MECOM: variants seen among roughly 807,000 people sequenced by gnomAD.
MECOM encodes histone-lysine N-methyltransferase MECOM.
MECOM carries 13 observed loss-of-function variants against 116.3 expected under a neutral mutation model. The observed-to-expected ratio is 0.11, with a 90% CI of 0.07 to 0.18. The LOEUF (loss-of-function observed/expected upper bound fraction) is 0.18. MECOM is among the 10% of genes least tolerant of loss of function. MECOM has a pLI of 1.00. For missense variants in MECOM, 1,299 were observed against 1,509.0 expected (o/e 0.86, Z 2.31); for synonymous variants, 528 against 535.2 (o/e 0.99, Z 0.19).
intron 1 of MECOM, among the ~76,000 whole-genome samples, chr3:169,566,292 A>C (rs1199768351): frequency 1.3e-5 from 2 of 152,084 alleles, no homozygotes; most frequent in Non-Finnish European, 2.9e-5. Flanking sequence ...ATACATGAAG[A>C]CTGTGGAAAG....
chr3:169,333,549 A>G (rs1198204998), intron 2 of MECOM, among the ~76,000 whole-genome samples: 1 of 152,090 alleles, frequency 6.6e-6, no homozygotes, highest in African/African-American at 2.4e-5. Context: ...TACCCTAAGC[A>G]ATGAAAAGCA....
intron 1 of MECOM, among the ~76,000 whole-genome samples, chr3:169,539,657 A>G (rs1459523212): frequency 1.3e-5 from 2 of 152,198 alleles, no homozygotes; most frequent in Admixed American, 6.5e-5. Flanking sequence ...TTTGGATACT[A>G]TAACAGCTCC....
At chr3:169,659,846 C>T (rs994123745) in intron 1 of MECOM, among the ~76,000 whole-genome samples, 2 of 151,954 alleles carry the variant, frequency 1.3e-5, no homozygotes, top group African/African-American at 4.8e-5. Context: ...GAGAAAGGGT[C>T]GGCATCTACC....
At chr3:169,141,575 C>T (rs1284237554) in intron 3 of MECOM, among the ~76,000 whole-genome samples, 1 of 151,976 alleles carries the variant, frequency 6.6e-6, no homozygotes, top group Non-Finnish European at 1.5e-5. Context: ...CCAACATTCA[C>T]ATTTCAAAGC....
chr3:169,606,418 A>AG (rs1477534262), intron 1 of MECOM, among the ~76,000 whole-genome samples: 39 of 152,066 alleles, frequency 2.6e-4, no homozygotes, highest in African/African-American at 9.2e-4. Flanking sequence ...CAAAAAAAAA[A>AG]AAAAAGAAAA....
intron 1 of MECOM, among the ~76,000 whole-genome samples, chr3:169,530,911 T>A (rs1385317184): frequency 6.9e-6 from 1 of 145,372 alleles, no homozygotes; most frequent in African/African-American, 2.7e-5. Flanking sequence ...AAAAAAAAAA[T>A]GATTTCAAAT....
intron 1 of MECOM, among the ~76,000 whole-genome samples, chr3:169,582,250 A>C (rs1402248234): frequency 6.6e-6 from 1 of 152,134 alleles, no homozygotes; most frequent in Non-Finnish European, 1.5e-5. Flanking sequence ...GAGTAGATGA[A>C]GAAGAAATAT....
At chr3:169,471,236 C>T (rs1479101227) in intron 1 of MECOM, among the ~76,000 whole-genome samples, 1 of 152,172 alleles carries the variant, frequency 6.6e-6, no homozygotes, top group Non-Finnish European at 1.5e-5. Flanking sequence ...AAGCAATACA[C>T]TGGCCTCGGC....
intron 2 of MECOM, among the ~76,000 whole-genome samples, chr3:169,187,303 A>G (rs1160502532): frequency 6.6e-6 from 1 of 152,202 alleles, no homozygotes; most frequent in African/African-American, 2.4e-5. Context: ...ATTGAAACAA[A>G]TGACTGCTAC....
intron 2 of MECOM, 22 bp from the exon 3 acceptor site, chr3:169,143,854 C>G: frequency 6.3e-7 from 1 of 1,579,020 alleles, no homozygotes; most frequent in African/African-American, 1.4e-5. Flanking sequence ...AAGATGAGAA[C>G]AATCAATTGC....
At chr3:169,095,803 A>G (rs1721261651) in intron 12 of MECOM, among the ~76,000 whole-genome samples, 1 of 152,224 alleles carries the variant, frequency 6.6e-6, no homozygotes, top group South Asian at 2.1e-4. Flanking sequence ...CCCAAGAATC[A>G]GCTACCACAA....
intron 1 of MECOM, among the ~76,000 whole-genome samples, chr3:169,452,532 A>G (rs1745784272): frequency 6.6e-6 from 1 of 152,116 alleles, no homozygotes; most frequent in African/African-American, 2.4e-5. Flanking sequence ...AGGAATACAA[A>G]CTCAGCATCT....
chr3:169,506,466 C>CTTTTTTTTTTT (rs59006044), intron 1 of MECOM, among the ~76,000 whole-genome samples: 2 of 147,710 alleles, frequency 1.4e-5, no homozygotes, highest in Non-Finnish European at 3.0e-5. Flanking sequence ...GGTGAGTACT[C>CTTTTTTTTTTT]TTTTTTTTTT....
chr3:169,097,350 T>C (rs568829719), intron 12 of MECOM, among the ~76,000 whole-genome samples: 29 of 152,236 alleles, frequency 1.9e-4, no homozygotes, highest in East Asian at 1.7e-3. Context: ...AGAAAAAGAA[T>C]GTTCTAAATA....
chr3:169,280,761 A>T (rs1024438805), intron 2 of MECOM, among the ~76,000 whole-genome samples: 8 of 152,184 alleles, frequency 5.3e-5, no homozygotes, highest in African/African-American at 1.9e-4. Flanking sequence ...GCATAATGAC[A>T]TTGTATTTTA....
chr3:169,627,701 T>C (rs1771551053), intron 1 of MECOM, among the ~76,000 whole-genome samples: 1 of 152,242 alleles, frequency 6.6e-6, no homozygotes, highest in African/African-American at 2.4e-5. Flanking sequence ...GATACTTCTT[T>C]TTTGGTCCAC....
chr3:169,663,168 G>A (rs1333274241), intron 1 of MECOM, among the ~76,000 whole-genome samples, 168 bp downstream of exon 1: 1 of 151,152 alleles, frequency 6.6e-6, no homozygotes, highest in Non-Finnish European at 1.5e-5. Flanking sequence ...GCGGGCGACC[G>A]GGAGCAGAGA....
intron 1 of MECOM, among the ~76,000 whole-genome samples, chr3:169,566,817 G>A (rs377724279): frequency 8.5e-5 from 13 of 152,294 alleles, no homozygotes; most frequent in South Asian, 2.1e-4. Flanking sequence ...GAATGAATTC[G>A]TGAAAACCTG....
chr3:169,444,436 T>C (rs138563013), intron 1 of MECOM, among the ~76,000 whole-genome samples: 28 of 152,298 alleles, frequency 1.8e-4, no homozygotes, highest in Admixed American at 1.6e-3. Flanking sequence ...ATTCTCGTGA[T>C]AGTGAATAAG....
Sources: allele counts gnomAD v4.1 joint callset (sites outside exome capture counted in the v4.1 genomes callset), GRCh38; gene constraint gnomAD v4.1.1; transcripts MANE v1.5; gene names NCBI Gene and HGNC (gene_info 2026-07-23, HGNC 2026-07-21).